BRSK2: variants seen among roughly 807,000 people sequenced by gnomAD.
BRSK2 encodes the protein BR serine/threonine kinase 2, also known as serine/threonine-protein kinase BRSK2.
Under a neutral mutation model 83.3 loss-of-function variants are expected in BRSK2, and 19 were observed. That is an observed-to-expected ratio of 0.23 (90% CI 0.16 to 0.33). The LOEUF (loss-of-function observed/expected upper bound fraction) is 0.33. BRSK2 is among the 10% of genes least tolerant of loss of function. The pLI, the probability that BRSK2 is intolerant of heterozygous loss-of-function variation, is 1.00. For synonymous variants in BRSK2, 519 were observed against 435.4 expected (o/e 1.19, Z -2.39); for missense variants, 798 against 1,042.3 (o/e 0.77, Z 3.23).
intron 3 of BRSK2, 22 bp from the exon 4 acceptor site, chr11:1,440,766 C>T (rs762655482): frequency 6.4e-7 from 1 of 1,552,738 alleles, no homozygotes; most frequent in South Asian, 1.2e-5. Flanking sequence ...GCTGGGCGCA[C>T]TGGTGGCCCC....
chr11:1,420,215 T>C (rs2134187014), intron 1 of BRSK2, among the ~76,000 whole-genome samples: 1 of 152,318 alleles, frequency 6.6e-6, no homozygotes. Context: ...TGGGGTGGCC[T>C]TGTTAGGATG....
chr11:1,400,802 G>A (rs1846424584), intron 1 of BRSK2, among the ~76,000 whole-genome samples: 1 of 152,242 alleles, frequency 6.6e-6, no homozygotes, highest in African/African-American at 2.4e-5. Flanking sequence ...CACTGGGAGG[G>A]GTGCAGATGA....
intron 16 of BRSK2, among the ~76,000 whole-genome samples, chr11:1,455,239 C>T (rs1015289610): frequency 3.9e-5 from 6 of 152,184 alleles, no homozygotes; most frequent in South Asian, 4.1e-4. Context: ...CCCATCAGGA[C>T]GCCCCTTCCT....
Position 1,454,400 on chromosome 11 carries a change from C to A in BRSK2, c.1545-85C>A, listed in dbSNP as rs1387268125. ...TATCACGAAGCGATGGAAGATTCCG[C>A]CGTTCCAACCCCAGATTCGAGGGAG... On this transcript the variant is annotated intron_variant, in intron 15 of 19. Transcript: ENST00000528841. This position sits in a 1 kb window ranked among gnomAD's most constrained non-coding sequence, Gnocchi z 5.2. 1.3e-6 allele frequency: 2 copies of A among 1,514,452 alleles called. No homozygotes were observed. The highest frequency in any genetic ancestry group is 2.7e-5 in the African/African-American group (2 of 72,782). The allele number at this position is 1,514,452 out of a possible 1,614,324, so 93.8% of individuals were successfully genotyped here. A position where few individuals can be genotyped will look rare whatever the true frequency, so the allele number is the denominator to read the frequency against.
At chr11:1,421,077 C>T (rs1347672179) in intron 1 of BRSK2, among the ~76,000 whole-genome samples, 1 of 152,198 alleles carries the variant, frequency 6.6e-6, no homozygotes, top group Non-Finnish European at 1.5e-5. Context: ...GGATTCAGAT[C>T]TTTGGGCTGC....
intron 1 of BRSK2, among the ~76,000 whole-genome samples, chr11:1,409,029 GATGT>G (rs1847134593): frequency 6.6e-6 from 1 of 151,994 alleles, no homozygotes; most frequent in South Asian, 2.1e-4. Flanking sequence ...CCTATGCAGG[GATGT>G]ATGTGTGTCT....
chr11:1,451,509 T>C (rs1178228432), intron 15 of BRSK2, 90 bp downstream of exon 15: 8 of 1,383,206 alleles, frequency 5.8e-6, no homozygotes, highest in Non-Finnish European at 7.2e-6. Flanking sequence ...GCCAACGGGG[T>C]GCTCCTTCTC....
intron 15 of BRSK2, among the ~76,000 whole-genome samples, chr11:1,453,093 C>T (rs931004065): frequency 5.3e-5 from 8 of 152,214 alleles, no homozygotes; most frequent in African/African-American, 1.4e-4. Flanking sequence ...CCGAACCTGG[C>T]GGATGCACCC....
At chr11:1,420,248 G>T (rs371176379) in intron 1 of BRSK2, among the ~76,000 whole-genome samples, 1 of 152,218 alleles carries the variant, frequency 6.6e-6, no homozygotes, top group Admixed American at 6.5e-5. Context: ...CCACAGGGCC[G>T]GCCCCTGCTC....
intron 1 of BRSK2, among the ~76,000 whole-genome samples, chr11:1,421,838 G>A (rs1235217208): frequency 1.3e-5 from 2 of 152,184 alleles, no homozygotes; most frequent in Non-Finnish European, 2.9e-5. Flanking sequence ...CAACTTCAGA[G>A]GCCCCTCTCG....
Position 1,461,054 on chromosome 11 carries a change from C to A in BRSK2, c.*331C>A, listed in dbSNP as rs556752462. 2.3e-5 allele frequency: 37 copies of A among 1,604,076 alleles called. 1 individual carries two copies. In the African/African-American group the frequency reaches 4.1e-4, roughly 18 times the overall value. ...AGCTGCTGCGGACCCGCCCTCCCTC[C>A]GCTCCTGCTGTTGCTGCCGGGCAGT... is the stretch of plus-strand genomic sequence containing the variant. On this transcript the variant is annotated 3_prime_UTR_variant, in exon 20 of 20. Transcript: ENST00000528841.
intron 1 of BRSK2, among the ~76,000 whole-genome samples, chr11:1,401,723 T>A (rs1564795467): frequency 6.6e-6 from 1 of 152,056 alleles, no homozygotes; most frequent in Non-Finnish European, 1.5e-5. Flanking sequence ...TTGCCGACTT[T>A]GAGGAGGAGG....
chr11:1,400,259 A>G (rs4312093), intron 1 of BRSK2, among the ~76,000 whole-genome samples: 127,202 of 152,178 alleles, frequency 0.84, 54,056 homozygotes, highest in African/African-American at 0.96. Context: ...CATGGCTGGG[A>G]GCTGTTCCCA....
chr11:1,435,924 G>T (rs773955261), intron 1 of BRSK2, 116 bp from the exon 2 acceptor site: 142 of 704,756 alleles, frequency 2.0e-4, no homozygotes, highest in Non-Finnish European at 3.3e-4. Context: ...GCCCTGGAGC[G>T]GGTGGGACCC....
chr11:1,457,480 C>G (rs1444156617), intron 18 of BRSK2, among the ~76,000 whole-genome samples: 2 of 152,158 alleles, frequency 1.3e-5, no homozygotes, highest in East Asian at 3.9e-4. Flanking sequence ...CGGCATACGG[C>G]AGGGAGGGCT....
rs745374865 is a variant in BRSK2 at position 1,445,298 on chromosome 11, G to A, written c.817G>A (p.Gly273Ser). The change falls in exon 10 of 20, where the codon GGC (glycine) becomes AGC (serine). Residue 273 changes from glycine (G) to serine (S), a missense_variant. Around this residue, in one of 6 missense-constraint regions of BRSK2, gnomAD observed 145 missense variants for 225.4 expected, o/e 0.64. Coordinates refer to ENST00000528841, the MANE Select transcript of BRSK2 (RefSeq NM_001256627.2). ...TGGCCCGTCCTGTGTCCACAGAGGG[G>A]GCAAGAATGAGCCCGAACCAGAGCA... ...HIQKHIWYIG[G>S]KNEPEPEQPI... is the part of the protein sequence containing the mutation. 2 of 1,607,790 alleles carry A rather than the reference G, an allele frequency of 1.2e-6. No homozygotes were observed.
At chr11:1,426,666 C>T (rs1849266823) in intron 1 of BRSK2, among the ~76,000 whole-genome samples, 1 of 152,144 alleles carries the variant, frequency 6.6e-6, no homozygotes, top group Non-Finnish European at 1.5e-5. Flanking sequence ...CTGTGTGACT[C>T]TCACCTGTGA....
intron 1 of BRSK2, among the ~76,000 whole-genome samples, chr11:1,434,745 G>C (rs1018153379): frequency 6.6e-6 from 1 of 152,050 alleles, no homozygotes; most frequent in South Asian, 2.1e-4. Flanking sequence ...GTGTCTGGGC[G>C]CACCTAGGAT....
rs1159688745 is a variant in BRSK2 at position 1,438,509 on chromosome 11, C to T, written c.272+118C>T. ...GGAGGCCAGGGGCGCCTGCTGCATC[C>T]CAGCAGCCCTGGCCCTGCTAGCATG... On this transcript the variant is annotated intron_variant, in intron 3 of 19. Transcript: ENST00000528841. This position sits in a 1 kb window ranked among gnomAD's most constrained non-coding sequence, Gnocchi z 6.4. 1 of 887,056 alleles carries T rather than the reference C, an allele frequency of 1.1e-6. No individual in the cohort carries two copies. The highest frequency in any genetic ancestry group is 1.8e-6 in the Non-Finnish European group (1 of 554,440). The allele number at this position is 887,056 out of a possible 1,614,324, so 54.9% of individuals were successfully genotyped here.
Sources: gnomAD v4.1 joint callset for allele counts (sites outside exome capture counted in the v4.1 genomes callset) on GRCh38, gnomAD v4.1.1 for gene constraint, gnomAD v4.1.1 regional missense constraint, Gnocchi (gnomAD v3.1) non-coding constraint, MANE v1.5 for transcripts, NCBI Gene and HGNC (gene_info 2026-07-23, HGNC 2026-07-21) for gene names.